Variants in SSR2 observed in about 807,000 individuals in gnomAD.
SSR2 encodes the protein signal sequence receptor subunit 2.
Under a neutral mutation model 22.6 loss-of-function variants are expected in SSR2, and 16 were observed. The observed-to-expected ratio is 0.71, with a 90% CI of 0.48 to 1.08. The LOEUF (loss-of-function observed/expected upper bound fraction) is 1.08. SSR2 is among the 50% of genes least tolerant of loss of function. The pLI, the probability that SSR2 is intolerant of heterozygous loss-of-function variation, is 0.00. For synonymous variants in SSR2, 83 were observed against 91.2 expected, an observed-to-expected ratio of 0.91 and a Z score of 0.51; for missense variants, 171 against 221.6, an observed-to-expected ratio of 0.77 and a Z score of 1.45.
rs766265549 is a variant in SSR2, at chr1:156,015,221, C to T, written c.255-152G>A. 4 of 643,598 alleles carry T rather than the reference C, an allele frequency of 6.2e-6. No homozygotes were observed. In the East Asian group the frequency reaches 8.7e-5, roughly 14 times the overall value. 39.9% of individuals were successfully genotyped at this position (643,598 alleles called of 1,614,324 possible). ...TGCAGGAATGAAAAAATATAGGCTT[C>T]TTTGCCGGGCATGGTGGCTCACGCC... On this transcript the variant is annotated intron_variant, in intron 3 of 5. Transcript: ENST00000295702.
chr1:156,019,941 G>A, intron 2 of SSR2, 72 bp downstream of exon 2: 1 of 1,520,734 alleles, frequency 6.6e-7, no homozygotes, highest in Non-Finnish European at 8.9e-7. Context: ...CCACCAATAT[G>A]CTCCCTATTC....
At chr1:156,015,616 T>TG (rs1306235873) in intron 3 of SSR2, among the ~76,000 whole-genome samples, 3 of 137,096 alleles carry the variant, frequency 2.2e-5, no homozygotes, top group South Asian at 2.3e-4. Flanking sequence ...GAGAGAGAGA[T>TG]GGGGTCTCAC....
chr1:156,020,702 G>A (rs1352946761), intron 1 of SSR2, 186 bp downstream of exon 1: 1 of 350,960 alleles, frequency 2.8e-6, no homozygotes, highest in Non-Finnish European at 5.8e-6. Flanking sequence ...TTGGTCCCAC[G>A]GGCGGGGGGG....
At chr1:156,011,273 C>CATG (rs1171944639) in intron 5 of SSR2, 3 of 152,712 alleles carry the variant, frequency 2.0e-5, no homozygotes, top group African/African-American at 7.2e-5. Context: ...GCATTACAGG[C>CATG]ATGAGCCATG....
chr1:156,012,067 TTC>T, intron 4 of SSR2, 180 bp from the exon 5 acceptor site: 1 of 548,776 alleles, frequency 1.8e-6, no homozygotes, highest in Middle Eastern at 2.8e-4. Context: ...AGTTGGATGA[TTC>T]TCTCTTAGTG....
chr1:156,017,750 T>TTTG (rs1219217725), intron 3 of SSR2, among the ~76,000 whole-genome samples: 3 of 119,586 alleles, frequency 2.5e-5, no homozygotes, highest in Non-Finnish European at 5.3e-5. Context: ...TTTTTTTTTT[T>TTTG]TTTTTTTTTT....
chr1:156,013,536 G>A (rs367942207), intron 4 of SSR2: 4 of 153,610 alleles, frequency 2.6e-5, no homozygotes, highest in African/African-American at 7.2e-5. Flanking sequence ...TGGGTCTTGA[G>A]AAGGCTTCAG....
At chr1:156,015,682 C>G (rs1683045237) in intron 3 of SSR2, among the ~76,000 whole-genome samples, 1 of 149,582 alleles carries the variant, frequency 6.7e-6, no homozygotes, top group African/African-American at 2.4e-5. Flanking sequence ...CCCACCTTGG[C>G]CTCCCAAAGT....
chr1:156,018,342 T>A lies in SSR2; in HGVS notation c.182A>T (p.Asp61Val). 1 of 1,613,432 alleles carries A rather than the reference T, an allele frequency of 6.2e-7. No homozygotes were observed. The highest frequency in any genetic ancestry group is 8.5e-7 in the Non-Finnish European group (1 of 1,179,750). ...SSAALDVELS[D>V]DSFPPEDFGI... ...AAAGTCTTCTGGAGGGAAGGAATCA[T>A]CAGATAGTTCCACGTCTAATGCAGC... The change falls in exon 3 of 6, where the codon GAT becomes GTT. Residue 61 changes from aspartate to valine, a missense_variant. Transcript: ENST00000295702.
intron 4 of SSR2, chr1:156,014,553 A>ATT (rs1458001512): frequency 6.2e-6 from 1 of 160,494 alleles, no homozygotes; most frequent in Non-Finnish European, 1.4e-5. Flanking sequence ...ATATATATAT[A>ATT]TTTTTTGAGA....
intron 5 of SSR2, chr1:156,010,677 G>A (rs1420579662): frequency 6.6e-6 from 1 of 152,212 alleles, no homozygotes; most frequent in Admixed American, 6.6e-5. Context: ...GACAATTTTT[G>A]AGAATGGAGA....
In SSR2 at chr1:156,020,069, G is replaced by C. The variant is rs767559812; in HGVS notation, c.99C>G (p.Tyr33Ter). The C allele has an allele frequency of 6.2e-7, 1 of 1,614,090 alleles. No homozygotes were observed. The highest frequency in any genetic ancestry group is 8.5e-7 in the Non-Finnish European group (1 of 1,180,014). ...AGGTCAGGTCTCGTCCCTCCACGGC[G>C]TATCTGTTCAGCAGTGATTTGGAAG... ...LLASKSLLNR[Y>*]AVEGRDLTLQ... The change falls in exon 2 of 6, where the codon TAC becomes TAG. Residue 33 changes from tyrosine to a stop codon, truncating the protein, a stop_gained. Transcript: ENST00000295702. LOFTEE classifies it high-confidence loss of function.
intron 3 of SSR2, 34 bp downstream of exon 3, chr1:156,018,236 C>A (rs770442452): frequency 1.1e-5 from 17 of 1,562,384 alleles, no homozygotes; most frequent in African/African-American, 1.4e-5. Context: ...CTCCCTGCCC[C>A]CCGACCCTTC....
At chr1:156,015,505 C>CAAAAAAAAAAAAAA (rs1169214264) in intron 3 of SSR2, among the ~76,000 whole-genome samples, 1 of 41,028 alleles carries the variant, frequency 2.4e-5, no homozygotes, top group Non-Finnish European at 3.6e-5. Flanking sequence ...GACTCCGCCT[C>CAAAAAAAAAAAAAA]AAAAAAAAAA....
At position 156,011,906 on chromosome 1, in the gene SSR2, C is replaced by T. The variant is rs774755016; in HGVS notation, c.364-19G>A. On this transcript the variant is annotated intron_variant, in intron 4 of 5. Transcript: ENST00000295702. ...AGCCAATCTGAAAAGAAGAAAAGAA[C>T]GACATTAAGGGAAGTCCACCTCATG... 27 of 1,604,958 alleles carry T rather than the reference C, an allele frequency of 1.7e-5. No individual in the cohort carries two copies. The highest frequency in any genetic ancestry group is 5.4e-5 in the African/African-American group (4 of 74,700).
intron 5 of SSR2, 95 bp downstream of exon 5, chr1:156,011,715 C>T: frequency 9.9e-7 from 1 of 1,011,652 alleles, no homozygotes; most frequent in Non-Finnish European, 1.5e-6. Context: ...CAAGAACCAA[C>T]CAACAAAACA....
chr1:156,016,543 T>G (rs901335195), intron 3 of SSR2, among the ~76,000 whole-genome samples: 2 of 151,650 alleles, frequency 1.3e-5, no homozygotes, highest in African/African-American at 4.9e-5. Flanking sequence ...GCCAAGCTCA[T>G]AGAAAATCTT....
intron 5 of SSR2, 126 bp from the exon 6 acceptor site, chr1:156,009,776 C>A (rs749680235): frequency 1.3e-5 from 8 of 630,532 alleles, no homozygotes; most frequent in Non-Finnish European, 1.3e-5. Flanking sequence ...GATACAAAGT[C>A]TTAGTTTTTT....
chr1:156,016,422 G>A (rs760038051), intron 3 of SSR2, among the ~76,000 whole-genome samples: 3 of 151,720 alleles, frequency 2.0e-5, no homozygotes, highest in Non-Finnish European at 2.9e-5. Context: ...TTTTAGTAGA[G>A]ACAGGGTTTC....
Sources: gnomAD v4.1 joint callset for allele counts (sites outside exome capture counted in the v4.1 genomes callset) on GRCh38, gnomAD v4.1.1 for gene constraint, MANE v1.5 for transcripts, NCBI Gene and HGNC (gene_info 2026-07-23, HGNC 2026-07-21) for gene names.